Variants in PLSCR4 observed in about 807,000 individuals in gnomAD.
PLSCR4 encodes Ca(2+)-dependent phospholipid scramblase 4.
PLSCR4 carries 25 observed loss-of-function variants against 36.3 expected under a neutral mutation model. The observed-to-expected ratio is 0.69, with a 90% confidence interval of 0.50 to 0.96. The LOEUF (loss-of-function observed/expected upper bound fraction) is 0.96. Ranked by LOEUF, PLSCR4 falls within the 40% of genes least tolerant of loss-of-function variation. The pLI, the probability that PLSCR4 is intolerant of heterozygous loss-of-function variation, is 0.00. For synonymous variants in PLSCR4, 122 were observed against 132.9 expected (o/e 0.92, Z 0.56); for missense variants, 408 against 414.7 (o/e 0.98, Z 0.14).
chr3:146,221,067 T>C (rs562309367), intron 2 of PLSCR4, 142 bp from the exon 3 acceptor site: 1 of 549,512 alleles, frequency 1.8e-6, no homozygotes, highest in South Asian at 2.9e-5. Context: ...AAAGAAAGAA[T>C]TCATCATATA....
chr3:146,218,664 T>A (rs988182365), intron 3 of PLSCR4, among the ~76,000 whole-genome samples: 1 of 152,264 alleles, frequency 6.6e-6, no homozygotes, highest in Non-Finnish European at 1.5e-5. Flanking sequence ...AGAGTTCTGA[T>A]TGCTTCTGCA....
chr3:146,217,855 C>G (rs111880193), intron 3 of PLSCR4, among the ~76,000 whole-genome samples: 10 of 152,174 alleles, frequency 6.6e-5, no homozygotes, highest in African/African-American at 2.4e-4. Flanking sequence ...GACTATCAGA[C>G]TGACATGATC....
rs368426921 is a variant in PLSCR4, at chr3:146,216,140, G to A, written c.118+4675C>T. On this transcript the variant is annotated intron_variant, in intron 3 of 8. Transcript: ENST00000354952. ...AGCTACTCTGAAGGCTGATGCAGGA[G>A]AATCATTTAGAACCCGGGAAGCGGA... Among the ~76,000 whole-genome samples, 9 of 152,244 alleles carry A rather than the reference G, an allele frequency of 5.9e-5. No homozygotes were observed. In the East Asian group the frequency reaches 1.7e-3, roughly 29 times the overall value.
At chr3:146,204,936 A>G (rs2034242011) in intron 4 of PLSCR4, among the ~76,000 whole-genome samples, 1 of 152,048 alleles carries the variant, frequency 6.6e-6, no homozygotes, top group Admixed American at 6.6e-5. Context: ...TTTAGGATAA[A>G]TTTTGGCTTT....
At chr3:146,235,302 T>C (rs1368362160) in intron 1 of PLSCR4, among the ~76,000 whole-genome samples, 2 of 152,110 alleles carry the variant, frequency 1.3e-5, no homozygotes, top group East Asian at 3.9e-4. Context: ...GTTCTTGTGA[T>C]GAGTTCTCGT....
In PLSCR4 at chr3:146,194,462, T is replaced by G; in HGVS notation, c.946-7A>C. 1.9e-6 allele frequency: 3 copies of G among 1,568,532 alleles called. No individual in the cohort carries two copies. Among genetic ancestry groups the G allele is most frequent in the Non-Finnish European group, 2.6e-6 (3 of 1,138,874 alleles). ...TTTCAAAATACATGAAGTCCTGAAA[T>G]TGGAAAAAGAATTATATGTAGATAT... is the stretch of plus-strand genomic sequence containing the variant. On this transcript the variant is annotated splice_region_variant and splice_polypyrimidine_tract_variant and intron_variant, in intron 8 of 8. Transcript: ENST00000354952.
At chr3:146,248,071 T>A (rs568544186) in intron 1 of PLSCR4, among the ~76,000 whole-genome samples, 1 of 152,338 alleles carries the variant, frequency 6.6e-6, no homozygotes, top group South Asian at 2.1e-4. Context: ...TGAACATTGC[T>A]GTATTTTTTG....
intron 3 of PLSCR4, among the ~76,000 whole-genome samples, chr3:146,208,434 CTTAA>C (rs1434267096): frequency 6.6e-6 from 1 of 152,060 alleles, no homozygotes; most frequent in African/African-American, 2.4e-5. Context: ...GTAGGTGGGA[CTTAA>C]TTAAACTAAA....
chr3:146,237,278 T>C (rs1244408966), intron 1 of PLSCR4, among the ~76,000 whole-genome samples: 1 of 152,088 alleles, frequency 6.6e-6, no homozygotes, highest in African/African-American at 2.4e-5. Flanking sequence ...CAGGAAGATA[T>C]AACAATTACA....
chr3:146,238,199 T>A (rs2035996194), intron 1 of PLSCR4, among the ~76,000 whole-genome samples: 2 of 147,946 alleles, frequency 1.4e-5, no homozygotes, highest in South Asian at 2.1e-4. Flanking sequence ...CAAAAAAACT[T>A]CCCACAAAAA....
chr3:146,228,350 G>A (rs781122781), intron 1 of PLSCR4, among the ~76,000 whole-genome samples: 26 of 152,224 alleles, frequency 1.7e-4, no homozygotes, highest in Non-Finnish European at 2.9e-4. Context: ...GCATCCATAT[G>A]TAAGATTCTA....
At chr3:146,223,280 G>A (rs1159260153) in intron 1 of PLSCR4, among the ~76,000 whole-genome samples, 1 of 152,020 alleles carries the variant, frequency 6.6e-6, no homozygotes, top group South Asian at 2.1e-4. Flanking sequence ...TTTGAGAAGG[G>A]AATTTCAATA....
At chr3:146,249,274 A>G (rs1450797389) in intron 1 of PLSCR4, among the ~76,000 whole-genome samples, 5 of 152,090 alleles carry the variant, frequency 3.3e-5, no homozygotes, top group Admixed American at 2.6e-4. Context: ...TTTAGGCTGC[A>G]TATGTTTAGA....
At chr3:146,201,009 C>T (rs2034021215) in intron 5 of PLSCR4, 26 bp downstream of exon 5, 4 of 1,451,030 alleles carry the variant, frequency 2.8e-6, no homozygotes, top group African/African-American at 2.9e-5. Context: ...TAAAATACTG[C>T]TGAGCACTAC....
intron 3 of PLSCR4, 36 bp downstream of exon 3, chr3:146,220,779 G>A (rs34505196): frequency 7.7e-7 from 1 of 1,290,332 alleles, no homozygotes; most frequent in Non-Finnish European, 1.1e-6. Context: ...ATGGTTTTTA[G>A]CAAAGGAGAA....
At chr3:146,208,846 A>C (rs939288666) in intron 3 of PLSCR4, among the ~76,000 whole-genome samples, 6 of 152,176 alleles carry the variant, frequency 3.9e-5, no homozygotes, top group African/African-American at 1.4e-4. Context: ...TATGGAAAAC[A>C]GTGTGGAGAT....
chr3:146,245,171 C>T (rs370059024), intron 1 of PLSCR4, among the ~76,000 whole-genome samples: 102 of 152,162 alleles, frequency 6.7e-4, no homozygotes, highest in Admixed American at 1.7e-3. Context: ...AGGATCATTG[C>T]TTCTATGGAT....
chr3:146,219,682 T>G (rs1389198452), intron 3 of PLSCR4, among the ~76,000 whole-genome samples: 1 of 152,004 alleles, frequency 6.6e-6, no homozygotes, highest in Non-Finnish European at 1.5e-5. Flanking sequence ...TTTGGGACAC[T>G]GAGGCAGGTG....
At chr3:146,221,355 A>G (rs534393054) in intron 2 of PLSCR4, among the ~76,000 whole-genome samples, 5 of 152,320 alleles carry the variant, frequency 3.3e-5, no homozygotes, top group African/African-American at 7.2e-5. Flanking sequence ...GATTCACAAC[A>G]TAACACCATA....
Sources: allele counts gnomAD v4.1 joint callset (sites outside exome capture counted in the v4.1 genomes callset), GRCh38; gene constraint gnomAD v4.1.1; transcripts MANE v1.5; gene names NCBI Gene and HGNC (gene_info 2026-07-23, HGNC 2026-07-21).